Variants in GRAMD1B observed in about 807,000 individuals in gnomAD.
The protein encoded by GRAMD1B is protein Aster-B.
A neutral mutation model predicts 99.7 loss-of-function variants in GRAMD1B; 37 were observed. The observed-to-expected ratio is 0.37, with a 90% CI of 0.29 to 0.49. The LOEUF (loss-of-function observed/expected upper bound fraction) is 0.49. GRAMD1B is among the 20% of genes least tolerant of loss of function. The pLI is 0.98. For synonymous variants in GRAMD1B, 427 were observed against 387.6 expected (o/e 1.10, Z -1.19); for missense variants, 888 against 1,009.2 (o/e 0.88, Z 1.63).
chr11:123,498,458 G>T (rs1213444527), intron 2 of GRAMD1B, among the ~76,000 whole-genome samples: 1 of 152,176 alleles, frequency 6.6e-6, no homozygotes, highest in Non-Finnish European at 1.5e-5. Context: ...TTTCTTTCCT[G>T]CCCTCTTCAA....
intron 4 of GRAMD1B, among the ~76,000 whole-genome samples, chr11:123,588,925 A>G (rs1297536096): frequency 2.0e-5 from 3 of 152,046 alleles, no homozygotes; most frequent in Non-Finnish European, 4.4e-5. Flanking sequence ...ATATAATGAG[A>G]TATCTTGGGA....
At chr11:123,573,646 T>G (rs981580087) in intron 2 of GRAMD1B, among the ~76,000 whole-genome samples, 15 of 152,220 alleles carry the variant, frequency 9.9e-5, no homozygotes, top group South Asian at 2.1e-4. Context: ...ATATATCACC[T>G]GAAAAATGGG....
chr11:123,475,055 G>A (rs927082561), intron 1 of GRAMD1B, among the ~76,000 whole-genome samples: 1 of 152,176 alleles, frequency 6.6e-6, no homozygotes, highest in Non-Finnish European at 1.5e-5. Context: ...CTACTCAGTA[G>A]AGGTTGCCAT....
intron 1 of GRAMD1B, among the ~76,000 whole-genome samples, chr11:123,390,528 T>G (rs183649273): frequency 3.3e-5 from 5 of 152,368 alleles, no homozygotes; most frequent in Admixed American, 3.3e-4. Flanking sequence ...TAATGAATTT[T>G]CACTACTGTT....
chr11:123,383,270 A>G (rs1007518522), intron 1 of GRAMD1B, among the ~76,000 whole-genome samples: 1 of 151,522 alleles, frequency 6.6e-6, no homozygotes. Flanking sequence ...TCCCTGTGGT[A>G]GGGAAGAACC....
chr11:123,509,539 C>T (rs1940768267), intron 2 of GRAMD1B, among the ~76,000 whole-genome samples: 1 of 152,238 alleles, frequency 6.6e-6, no homozygotes, highest in Non-Finnish European at 1.5e-5. Flanking sequence ...CACCCCGTTT[C>T]CTCACCAGTT....
chr11:123,535,726 C>T (rs546643826), intron 2 of GRAMD1B, among the ~76,000 whole-genome samples: 132 of 152,218 alleles, frequency 8.7e-4, no homozygotes, highest in Middle Eastern at 3.4e-3. Context: ...TGTATCCATA[C>T]AGTGTAAAGA....
Position 123,608,978 on chromosome 11 carries a change from G to A in GRAMD1B, c.1657+176G>A, listed in dbSNP as rs183144538. ...TTCTGTGGTTCGGGAGCTCCTTCAG[G>A]CCCTGTTGCCCTCCCTTTTCACCAG... is the stretch of plus-strand genomic sequence containing the variant. On this transcript the variant is annotated intron_variant, in intron 12 of 19. Transcript: ENST00000635736. Among the ~76,000 whole-genome samples, 8 of 152,030 alleles carry A rather than the reference G, an allele frequency of 5.3e-5. No individual in the cohort carries two copies. In the East Asian group the frequency reaches 1.6e-3, roughly 29 times the overall value.
intron 1 of GRAMD1B, among the ~76,000 whole-genome samples, chr11:123,391,784 GT>G: frequency 6.6e-6 from 1 of 152,124 alleles, no homozygotes; most frequent in South Asian, 2.1e-4. Flanking sequence ...CACCAAATAT[GT>G]GACTAAGCAC....
chr11:123,542,345 C>T (rs1040652416), intron 2 of GRAMD1B, among the ~76,000 whole-genome samples: 1 of 152,212 alleles, frequency 6.6e-6, no homozygotes, highest in African/African-American at 2.4e-5. Flanking sequence ...TACAAGGTCC[C>T]ATAGGGAACG....
At chr11:123,367,279 T>G (rs1016152320) in intron 1 of GRAMD1B, among the ~76,000 whole-genome samples, 1 of 152,218 alleles carries the variant, frequency 6.6e-6, no homozygotes, top group African/African-American at 2.4e-5. Context: ...TTTCTTCATA[T>G]AGCTCACGGT....
chr11:123,406,205 C>T (rs1347730931), intron 1 of GRAMD1B, among the ~76,000 whole-genome samples: 2 of 151,198 alleles, frequency 1.3e-5, no homozygotes, highest in Admixed American at 6.6e-5. Flanking sequence ...TTCAAGTGAT[C>T]CTCCTAAAGT....
Position 123,510,290 on chromosome 11 carries a change from G to C in GRAMD1B, c.452+29397G>C, listed in dbSNP as rs1174715135. Among the ~76,000 whole-genome samples, 8 of 152,106 alleles carry C rather than the reference G, an allele frequency of 5.3e-5. No individual in the cohort carries two copies. The highest frequency in any genetic ancestry group is 1.7e-4 in the African/African-American group (7 of 41,416). Reference sequence around the variant, plus strand: ...CCACATGCCCCCCTCATCCTGACCTGTGGGTACCAGTTGGCGGGGTGATGG... The same window carrying C: ...CCACATGCCCCCCTCATCCTGACCTCTGGGTACCAGTTGGCGGGGTGATGG... On this transcript the variant is annotated intron_variant, in intron 2 of 19. Transcript: ENST00000635736. The surrounding 1 kb of genome is among the most constrained non-coding windows in gnomAD (Gnocchi z 4.3).
intron 1 of GRAMD1B, among the ~76,000 whole-genome samples, chr11:123,476,381 G>T (rs572356210): frequency 6.6e-6 from 1 of 152,286 alleles, no homozygotes; most frequent in South Asian, 2.1e-4. Context: ...GATTACAGGC[G>T]TGAGCCACCG....
intron 1 of GRAMD1B, among the ~76,000 whole-genome samples, chr11:123,421,306 T>A (rs1948426337): frequency 6.6e-6 from 1 of 152,236 alleles, no homozygotes; most frequent in African/African-American, 2.4e-5. Context: ...ATGAGGGAAT[T>A]AGATGCGCAC....
intron 1 of GRAMD1B, among the ~76,000 whole-genome samples, chr11:123,411,589 C>G (rs753517135): frequency 6.6e-6 from 1 of 152,126 alleles, no homozygotes; most frequent in Non-Finnish European, 1.5e-5. Flanking sequence ...TAGAAATACC[C>G]AATGACCACT....
chr11:123,442,907 A>T (rs932655328), intron 1 of GRAMD1B, among the ~76,000 whole-genome samples: 2 of 150,326 alleles, frequency 1.3e-5, no homozygotes, highest in African/African-American at 4.9e-5. Flanking sequence ...TGACATTGCC[A>T]TGGCATTTGT....
chr11:123,566,336 T>C (rs982286484), intron 2 of GRAMD1B, among the ~76,000 whole-genome samples: 1 of 152,172 alleles, frequency 6.6e-6, no homozygotes, highest in Non-Finnish European at 1.5e-5. Flanking sequence ...AGTGATGTCA[T>C]ATTTTAGTTT....
chr11:123,376,819 G>A (rs1274463122), intron 1 of GRAMD1B, among the ~76,000 whole-genome samples: 3 of 152,172 alleles, frequency 2.0e-5, no homozygotes, highest in Non-Finnish European at 2.9e-5. Flanking sequence ...TCCTCCCACG[G>A]TGGTTGTCTG....
Sources: allele counts gnomAD v4.1 joint callset (sites outside exome capture counted in the v4.1 genomes callset), GRCh38; gene constraint gnomAD v4.1.1; non-coding constraint Gnocchi (gnomAD v3.1); transcripts MANE v1.5; gene names NCBI Gene and HGNC (gene_info 2026-07-23, HGNC 2026-07-21).